The following HIP1 variants were observed in gnomAD, a reference collection of about 807,000 sequenced individuals.
The protein encoded by HIP1 is huntingtin-interacting protein 1.
A neutral mutation model predicts 147.6 loss-of-function variants in HIP1; 65 were observed. The ratio of observed to expected loss-of-function variants is 0.44; its 90% CI spans 0.36 to 0.54. The LOEUF is 0.54. Ranked by LOEUF, HIP1 falls within the 20% of genes least tolerant of loss-of-function variation. The pLI, the probability that HIP1 is intolerant of heterozygous loss-of-function variation, is 0.00. For missense variants in HIP1, 1,061 were observed against 1,299.6 expected (o/e 0.82, Z 2.82); for synonymous variants, 479 against 504.0 (o/e 0.95, Z 0.67).
intron 15 of HIP1, 28 bp from the exon 16 acceptor site, chr7:75,557,798 C>T: frequency 6.6e-7 from 1 of 1,519,150 alleles, no homozygotes; most frequent in African/African-American, 1.4e-5. Context: ...TGTCTTGAAC[C>T]AGGAGATCCC....
Position 75,659,668 on chromosome 7 carries a change from G to A in HIP1, c.121-60421C>T, listed in dbSNP as rs551642625. Among the ~76,000 whole-genome samples the A allele has an allele frequency of 3.9e-5, 6 of 152,018 alleles. No homozygotes were observed. The South Asian group carries it at 1.2e-3, about 32-fold the overall frequency. On this transcript the variant is annotated intron_variant, in intron 1 of 30. Transcript: ENST00000336926. Reference sequence around the variant, plus strand: ...CATTTCAAAGAGAAAAAAAAAGACAGAAAAAAAGAAAGGTAGGCAAGAACA... The same window carrying A: ...CATTTCAAAGAGAAAAAAAAAGACAAAAAAAAAGAAAGGTAGGCAAGAACA...
intron 27 of HIP1, 85 bp from the exon 28 acceptor site, chr7:75,543,059 A>C: frequency 6.9e-7 from 1 of 1,446,458 alleles, no homozygotes; most frequent in Non-Finnish European, 9.4e-7. Context: ...GGTTCTTAGC[A>C]AACATATGTG....
chr7:75,629,368 T>G (rs1205764028), intron 1 of HIP1, among the ~76,000 whole-genome samples: 4 of 152,146 alleles, frequency 2.6e-5, no homozygotes, highest in Non-Finnish European at 5.9e-5. Flanking sequence ...CTCCTCTCCA[T>G]TCCTCTGGCC....
At position 75,559,895 on chromosome 7, in the gene HIP1, C is replaced by A; in HGVS notation, c.1212G>T (p.Gln404His). Residue 404 changes from glutamine to histidine, a missense_variant, in exon 14 of 31, where the codon CAG becomes CAT. Gln to His is a conservative substitution (Grantham distance 24). Transcript: ENST00000336926. ...CCAGCTCGCTGACGTGGCCCTTCAG[C>A]TGCAGCACAACCCGCTGGCTCTGTG... is the stretch of plus-strand genomic sequence containing the variant. The part of the protein sequence containing the change: ...MKTESQRVVL[Q>H]LKGHVSELEA... 1.2e-6 allele frequency: 2 copies of A among 1,607,640 alleles called. No homozygotes were observed. Among genetic ancestry groups the A allele is most frequent in the Admixed American group, 1.7e-5 (1 of 59,214 alleles).
At chr7:75,681,663 C>T (rs1334719356) in intron 1 of HIP1, among the ~76,000 whole-genome samples, 6 of 151,910 alleles carry the variant, frequency 3.9e-5, no homozygotes, top group African/African-American at 1.2e-4. Flanking sequence ...CATACCACCA[C>T]GCATGGCTAA....
intron 1 of HIP1, among the ~76,000 whole-genome samples, chr7:75,634,189 GT>G (rs1347486976): frequency 6.6e-6 from 1 of 152,020 alleles, no homozygotes; most frequent in Non-Finnish European, 1.5e-5. Context: ...GAGCCTAGGA[GT>G]TCGAGGCTGC....
At chr7:75,700,460 G>A (rs1432749353) in intron 1 of HIP1, among the ~76,000 whole-genome samples, 4 of 152,182 alleles carry the variant, frequency 2.6e-5, no homozygotes, top group East Asian at 1.9e-4. Flanking sequence ...TGCAGAGAAA[G>A]CAGAAGAAGA....
Position 75,592,507 on chromosome 7 carries a change from T to A in HIP1, c.192A>T (p.Ile64=). The change falls in exon 3 of 31, where the codon ATA becomes ATT. Residue 64 remains isoleucine (I), a synonymous_variant. Coordinates refer to ENST00000336926, the MANE Select transcript of HIP1 (RefSeq NM_005338.7). ...AVKEKHARTC[I]LGTHHEKGAQ... ...CCCCTTTCTCATGGTGGGTGCCCAG[T>A]ATGCACGGTGAGGGGGGGTTATGGA... 1.2e-6 allele frequency: 2 copies of A among 1,610,334 alleles called. No individual in the cohort carries two copies. Among genetic ancestry groups the A allele is most frequent in the South Asian group, 2.2e-5 (2 of 90,910 alleles).
Position 75,659,517 on chromosome 7 carries a change from C to T in HIP1, c.121-60270G>A, listed in dbSNP as rs556237188. On this transcript the variant is annotated intron_variant, in intron 1 of 30. Coordinates refer to ENST00000336926, the MANE Select transcript of HIP1 (RefSeq NM_005338.7). The stretch of plus-strand genomic sequence containing the variant: ...TACAAAAATTAGCCAGGTATGGTGG[C>T]GCACGCCTGTAATCCCAGCTACTCG... Among the ~76,000 whole-genome samples, 19 of 152,118 alleles carry T rather than the reference C, an allele frequency of 1.2e-4. No homozygotes were observed. The East Asian group carries it at 1.7e-3, about 14-fold the overall frequency.
intron 1 of HIP1, among the ~76,000 whole-genome samples, chr7:75,675,287 A>G (rs574455718): frequency 6.6e-6 from 1 of 151,960 alleles, no homozygotes; most frequent in Non-Finnish European, 1.5e-5. Flanking sequence ...TGCAACATCC[A>G]CTTCCCGGGT....
chr7:75,597,310 G>A (rs1367392726), intron 2 of HIP1, among the ~76,000 whole-genome samples: 2 of 152,152 alleles, frequency 1.3e-5, no homozygotes, highest in Non-Finnish European at 2.9e-5. Flanking sequence ...CTAACCTGGA[G>A]GGTCGCCTCT....
At chr7:75,630,499 A>G (rs149272442) in intron 1 of HIP1, among the ~76,000 whole-genome samples, 1 of 151,786 alleles carries the variant, frequency 6.6e-6, no homozygotes, top group African/African-American at 2.4e-5. Flanking sequence ...TGTATCCTGG[A>G]AACTTTGTTA....
intron 1 of HIP1, chr7:75,611,948 A>G (rs1018690399): frequency 1.1e-6 from 1 of 873,148 alleles, no homozygotes; most frequent in Admixed American, 6.0e-5. Flanking sequence ...GGCAGTGGCC[A>G]ATGGGAAACC....
At chr7:75,687,982 C>G (rs907321155) in intron 1 of HIP1, among the ~76,000 whole-genome samples, 2 of 152,120 alleles carry the variant, frequency 1.3e-5, no homozygotes, top group Non-Finnish European at 2.9e-5. Context: ...TTCTTCCAGG[C>G]TAGCCCATGT....
intron 1 of HIP1, among the ~76,000 whole-genome samples, chr7:75,634,293 G>T (rs1798345914): frequency 6.6e-6 from 1 of 151,246 alleles, no homozygotes; most frequent in Admixed American, 6.6e-5. Context: ...AGATAGAGGG[G>T]ATTTACGAGG....
At chr7:75,642,649 A>G (rs1281279632) in intron 1 of HIP1, among the ~76,000 whole-genome samples, 11 of 152,150 alleles carry the variant, frequency 7.2e-5, no homozygotes, top group African/African-American at 2.6e-4. Flanking sequence ...CATCCATCAA[A>G]CTGCTCATCT....
At chr7:75,653,643 G>C (rs1379669804) in intron 1 of HIP1, among the ~76,000 whole-genome samples, 2 of 152,104 alleles carry the variant, frequency 1.3e-5, no homozygotes, top group African/African-American at 2.4e-5. Context: ...TGGATCACCT[G>C]AGCTCAGGAG....
rs782167935 is a variant in HIP1, at chr7:75,561,434, T to C, written c.1119-33A>G. ...GAGAAGGGGAATGAGTTTGCTTTCA[T>C]AGTGCTTCTATCCCTCTGTTTTTAA... is the stretch of plus-strand genomic sequence containing the variant. On this transcript the variant is annotated intron_variant, in intron 12 of 30. Transcript: ENST00000336926. The C allele has an allele frequency of 2.2e-6, 3 of 1,381,678 alleles. No individual in the cohort carries two copies. In the South Asian group the frequency reaches 3.5e-5, roughly 16 times the overall value. The allele number at this position is 1,381,678 out of a possible 1,614,324, so 85.6% of individuals were successfully genotyped here. A position where few individuals can be genotyped will look rare whatever the true frequency, so the allele number is the denominator to read the frequency against.
chr7:75,677,666 C>T (rs1372351171), intron 1 of HIP1, among the ~76,000 whole-genome samples: 1 of 149,512 alleles, frequency 6.7e-6, no homozygotes, highest in Non-Finnish European at 1.5e-5. Context: ...AATCACTAGA[C>T]AGGTCACAGA....
Sources: gnomAD v4.1 joint callset for allele counts (sites outside exome capture counted in the v4.1 genomes callset) on GRCh38, gnomAD v4.1.1 for gene constraint, MANE v1.5 for transcripts, NCBI Gene and HGNC (gene_info 2026-07-23, HGNC 2026-07-21) for gene names.